The following PTPRN2 variants were observed in gnomAD, a reference collection of about 807,000 sequenced individuals.
PTPRN2 encodes protein tyrosine phosphatase receptor type N2, also known as receptor-type tyrosine-protein phosphatase N2.
Under a neutral mutation model 118.8 loss-of-function variants are expected in PTPRN2, and 74 were observed. The observed-to-expected ratio is 0.62, with a 90% confidence interval of 0.52 to 0.76. The LOEUF (loss-of-function observed/expected upper bound fraction) is 0.76, where lower values mean the gene tolerates loss of function less well. Ranked by LOEUF, PTPRN2 falls within the 30% of genes least tolerant of loss-of-function variation. The pLI is 0.00. For missense variants in PTPRN2, 1,481 were observed against 1,394.4 expected (o/e 1.06, Z -0.99); for synonymous variants, 641 against 608.0 (o/e 1.05, Z -0.80).
chr7:158,549,209 A>G (rs1426535745), intron 1 of PTPRN2, among the ~76,000 whole-genome samples: 1 of 152,168 alleles, frequency 6.6e-6, no homozygotes, highest in Non-Finnish European at 1.5e-5. Flanking sequence ...TAATGAAAGA[A>G]TCTTATTTTT....
At position 157,852,907 on chromosome 7, in the gene PTPRN2, C is replaced by T. The variant is rs111325373; in HGVS notation, c.1788+45766G>A. 7.6e-4 allele frequency among the ~76,000 whole-genome samples: 114 copies of T among 150,418 alleles called. 3 individuals are homozygous for T. The highest frequency in any genetic ancestry group is 2.5e-3 in the African/African-American group (104 of 40,912). ...AATACTAGCACAGTGGACCCTGAAG[C>T]GCCAGCAGCAAACCCTCTGAGATGT... On this transcript the variant is annotated intron_variant, in intron 12 of 22. Transcript: ENST00000389418.
rs1301087890 is a variant in PTPRN2 at position 157,603,822 on chromosome 7, C to A, written c.2418+180G>T. On this transcript the variant is annotated intron_variant, in intron 16 of 22. Coordinates refer to ENST00000389418, the MANE Select transcript of PTPRN2 (RefSeq NM_002847.5). The surrounding 1 kb of genome is among the most constrained non-coding windows in gnomAD (Gnocchi z 5.4). ...CGGGACCCACACGGCTCATAAACAG[C>A]CCCGCTGGTGAAGGAACAGGGGAGT... 6.6e-6 allele frequency among the ~76,000 whole-genome samples: 1 copy of A among 152,208 alleles called. No homozygotes were observed. The highest frequency in any genetic ancestry group is 1.5e-5 in the Non-Finnish European group (1 of 68,048).
intron 2 of PTPRN2, among the ~76,000 whole-genome samples, chr7:158,435,913 G>A (rs964710384): frequency 5.9e-5 from 9 of 152,276 alleles, no homozygotes; most frequent in East Asian, 5.8e-4. Flanking sequence ...GTTTCCAGGG[G>A]CTGGGTCGGG....
rs112281215 is a variant in PTPRN2, at chr7:157,834,089, C to A, written c.1788+64584G>T. On this transcript the variant is annotated intron_variant, in intron 12 of 22. Transcript: ENST00000389418. ...CCAGCAGCATTCCCTGTGATCAATC[C>A]ATCAATTCCACCCACCAATCAGTGA... 5.1e-4 allele frequency among the ~76,000 whole-genome samples: 77 copies of A among 151,914 alleles called. 1 individual carries two copies. The highest frequency in any genetic ancestry group is 1.8e-3 in the African/African-American group (76 of 41,386).
chr7:157,707,847 C>A (rs1257095069), intron 12 of PTPRN2, among the ~76,000 whole-genome samples: 1 of 152,222 alleles, frequency 6.6e-6, no homozygotes, highest in Non-Finnish European at 1.5e-5. Context: ...GCCTTGGCCC[C>A]CAAAGTGCTG....
intron 3 of PTPRN2, among the ~76,000 whole-genome samples, chr7:158,262,933 TG>T (rs1315436937): frequency 7.0e-5 from 9 of 129,116 alleles, no homozygotes; most frequent in African/African-American, 1.3e-4. Flanking sequence ...ATTCACACAC[TG>T]CACACACACA....
chr7:157,916,808 T>TC (rs1161628013), intron 11 of PTPRN2, among the ~76,000 whole-genome samples: 2 of 137,374 alleles, frequency 1.5e-5, no homozygotes, highest in African/African-American at 2.8e-5. Flanking sequence ...CAGCTGAAGG[T>TC]CCCCACCATG....
At chr7:158,119,115 CTATT>C (rs1272538573) in intron 9 of PTPRN2, among the ~76,000 whole-genome samples, 2 of 152,156 alleles carry the variant, frequency 1.3e-5, no homozygotes, top group Non-Finnish European at 2.9e-5. Flanking sequence ...ATTTACATCA[CTATT>C]TAAGAAACCT....
chr7:158,150,989 C>G (rs1283116861), intron 6 of PTPRN2, among the ~76,000 whole-genome samples: 1 of 151,902 alleles, frequency 6.6e-6, no homozygotes, highest in Non-Finnish European at 1.5e-5. Context: ...CTGTTCCTCT[C>G]AGCACCTCAT....
chr7:158,466,867 C>T (rs201756087), intron 2 of PTPRN2, among the ~76,000 whole-genome samples: 1 of 152,112 alleles, frequency 6.6e-6, no homozygotes, highest in East Asian at 1.9e-4. Context: ...ACGGTGAAAC[C>T]CCATCTCTAC....
chr7:157,992,754 G>A (rs975174755), intron 11 of PTPRN2, among the ~76,000 whole-genome samples: 4 of 152,338 alleles, frequency 2.6e-5, no homozygotes, highest in Non-Finnish European at 4.4e-5. Context: ...CAGGACAGCC[G>A]AGCTTGTGGA....
chr7:157,966,396 C>T (rs1180324795), intron 11 of PTPRN2, among the ~76,000 whole-genome samples: 1 of 151,814 alleles, frequency 6.6e-6, no homozygotes, highest in African/African-American at 2.4e-5. Flanking sequence ...ATCTTCATCA[C>T]TATCACCATC....
chr7:158,404,970 A>T (rs1462419544), intron 2 of PTPRN2, among the ~76,000 whole-genome samples: 1 of 89,466 alleles, frequency 1.1e-5, no homozygotes, highest in Non-Finnish European at 2.1e-5. Flanking sequence ...CCTGGCCTCC[A>T]GCTCCTCAGC....
intron 12 of PTPRN2, among the ~76,000 whole-genome samples, chr7:157,877,047 T>C (rs1795810340): frequency 6.6e-6 from 1 of 151,850 alleles, no homozygotes; most frequent in Non-Finnish European, 1.5e-5. Context: ...GGACCCCATA[T>C]CTGAGTGCAG....
chr7:158,171,926 C>T lies in PTPRN2; in HGVS notation c.550-4635G>A, dbSNP rs773923859. Among the ~76,000 whole-genome samples the T allele has an allele frequency of 3.3e-5, 5 of 152,202 alleles. No individual in the cohort carries two copies. In the East Asian group the frequency reaches 5.8e-4, roughly 18 times the overall value. On this transcript the variant is annotated intron_variant, in intron 5 of 22. Coordinates refer to ENST00000389418, the MANE Select transcript of PTPRN2 (RefSeq NM_002847.5). ...GACACAGACTAATTTCCAGTACAGG[C>T]GATGGACATTCCTGTGCATGAAGTC...
chr7:158,552,551 G>T (rs1826733162), intron 1 of PTPRN2, among the ~76,000 whole-genome samples: 1 of 152,188 alleles, frequency 6.6e-6, no homozygotes, highest in African/African-American at 2.4e-5. Flanking sequence ...TCTGGTTCAA[G>T]CGATTTTTCT....
At chr7:158,330,608 C>A (rs1364894994) in intron 2 of PTPRN2, among the ~76,000 whole-genome samples, 3 of 85,176 alleles carry the variant, frequency 3.5e-5, no homozygotes, top group South Asian at 5.5e-4. Flanking sequence ...CACTCACACC[C>A]ACACTCTCAC....
rs1035642733 is a variant in PTPRN2, at chr7:157,609,875, C to T, written c.2345-5800G>A. The stretch of plus-strand genomic sequence containing the variant: ...ATGCCAACAGAAGAGACACATCCCA[C>T]AATTTCTTGTTGATTATTACTATGG... On this transcript the variant is annotated intron_variant, in intron 15 of 22. Coordinates refer to ENST00000389418, the MANE Select transcript of PTPRN2 (RefSeq NM_002847.5). The surrounding 1 kb of genome is among the most constrained non-coding windows in gnomAD (Gnocchi z 4.9). 6.6e-6 allele frequency among the ~76,000 whole-genome samples: 1 copy of T among 152,358 alleles called. No homozygotes were observed. The highest frequency in any genetic ancestry group is 2.4e-5 in the African/African-American group (1 of 41,590).
At chr7:157,943,366 C>T (rs765999000) in intron 11 of PTPRN2, among the ~76,000 whole-genome samples, 5 of 152,100 alleles carry the variant, frequency 3.3e-5, no homozygotes, top group African/African-American at 4.8e-5. Flanking sequence ...TCTGAATGGC[C>T]GACTTAGACA....
Sources: gnomAD v4.1 joint callset for allele counts (sites outside exome capture counted in the v4.1 genomes callset) on GRCh38, gnomAD v4.1.1 for gene constraint, Gnocchi (gnomAD v3.1) non-coding constraint, MANE v1.5 for transcripts, NCBI Gene and HGNC (gene_info 2026-07-23, HGNC 2026-07-21) for gene names.